LANCL3: variants seen among roughly 807,000 people sequenced by gnomAD.
LANCL3 encodes the protein lanC-like protein 3.
LANCL3 carries 19 observed loss-of-function variants against 26.5 expected under a neutral mutation model. The ratio of observed to expected loss-of-function variants is 0.72; its 90% CI spans 0.50 to 1.05. The LOEUF (loss-of-function observed/expected upper bound fraction) is 1.05. Ranked by LOEUF, LANCL3 falls within the 50% of genes least tolerant of loss-of-function variation. The probability of loss-of-function intolerance (pLI) is 0.00; values close to 1 mark genes in which losing one functional copy is unlikely to be tolerated. For missense variants in LANCL3, 318 were observed against 362.7 expected, an observed-to-expected ratio of 0.88 and a Z score of 1.00; for synonymous variants, 160 against 166.6, an observed-to-expected ratio of 0.96 and a Z score of 0.30.
intron 1 of LANCL3, among the ~76,000 whole-genome samples, chrX:37,615,638 C>CT (rs1463539348): frequency 3.6e-5 from 4 of 111,589 alleles, no homozygotes; most frequent in African/African-American, 9.8e-5. Flanking sequence ...TCCGTCTGTT[C>CT]TTTTTACACC....
At chrX:37,600,403 A>G (rs1924547437) in intron 1 of LANCL3, among the ~76,000 whole-genome samples, 1 of 111,908 alleles carries the variant, frequency 8.9e-6, no homozygotes, top group Non-Finnish European at 1.9e-5. Flanking sequence ...ATGGATAAGG[A>G]TGGACTAGAA....
rs1270464989 is a variant in LANCL3 at position 37,682,444 on chromosome X, CAT to C, written c.*6633_*6634del. 8.9e-6 allele frequency: 1 copy of C among 112,148 alleles called. No individual in the cohort carries two copies. Among genetic ancestry groups the C allele is most frequent in the East Asian group, 2.8e-4 (1 of 3,587 alleles). The allele number at this position is 112,148 out of a possible 1,213,427, so 9.2% of individuals were successfully genotyped here. On this transcript the variant is annotated 3_prime_UTR_variant, in exon 5 of 5. Transcript: ENST00000378619. ...AGTAATATGTATGAAGTAGCTGTGA[CAT>C]AGCAGTCAGTTTTAAAGATACAGAC...
At chrX:37,586,803 AG>A (rs1924099357) in intron 1 of LANCL3, among the ~76,000 whole-genome samples, 1 of 112,160 alleles carries the variant, frequency 8.9e-6, no homozygotes. Flanking sequence ...AACTCATCAA[AG>A]TCATTCTCTG....
intron 3 of LANCL3, among the ~76,000 whole-genome samples, chrX:37,665,761 T>A (rs1461706486): frequency 1.8e-5 from 2 of 111,744 alleles, no homozygotes; most frequent in Non-Finnish European, 3.8e-5. Flanking sequence ...AAGGTGGTAA[T>A]AGCAGAGCAT....
intron 3 of LANCL3, 52 bp downstream of exon 3, chrX:37,659,711 C>T (rs781833775): frequency 9.4e-7 from 1 of 1,067,860 alleles, no homozygotes; most frequent in Non-Finnish European, 1.3e-6. Flanking sequence ...AGGTTAGCCA[C>T]AGGGTGGTTC....
At chrX:37,577,091 C>A (rs1425609344) in intron 1 of LANCL3, among the ~76,000 whole-genome samples, 1 of 111,872 alleles carries the variant, frequency 8.9e-6, no homozygotes, top group Non-Finnish European at 1.9e-5. Flanking sequence ...CTTGATCTGA[C>A]TTACCTTTTA....
At chrX:37,660,818 T>C (rs1346090561) in intron 3 of LANCL3, among the ~76,000 whole-genome samples, 1 of 111,100 alleles carries the variant, frequency 9.0e-6, no homozygotes, top group African/African-American at 3.3e-5. Context: ...GAAAGTATAG[T>C]CTTGAGTTGA....
chrX:37,637,791 G>A (rs1481043829), intron 1 of LANCL3, among the ~76,000 whole-genome samples: 1 of 110,669 alleles, frequency 9.0e-6, no homozygotes, highest in Admixed American at 9.7e-5. Flanking sequence ...GGGAATGTCT[G>A]CCTAGCTCAG....
chrX:37,584,726 T>C (rs186938796), intron 1 of LANCL3, among the ~76,000 whole-genome samples: 23 of 111,858 alleles, frequency 2.1e-4, no homozygotes, highest in African/African-American at 6.5e-4. Context: ...TAGCGGTCTA[T>C]CAATTTTGTT....
At chrX:37,624,482 C>A (rs782626479) in intron 1 of LANCL3, among the ~76,000 whole-genome samples, 2 of 111,425 alleles carry the variant, frequency 1.8e-5, no homozygotes, top group African/African-American at 6.5e-5. Flanking sequence ...TATATAAAAT[C>A]ATTCCTCTGT....
At chrX:37,614,615 A>G (rs1258335530) in intron 1 of LANCL3, among the ~76,000 whole-genome samples, 4 of 112,092 alleles carry the variant, frequency 3.6e-5, no homozygotes, top group Non-Finnish European at 3.8e-5. Flanking sequence ...TTGTCACTCT[A>G]TGGTGTCAAG....
chrX:37,609,240 G>A (rs1280673588), intron 1 of LANCL3, among the ~76,000 whole-genome samples: 2 of 111,678 alleles, frequency 1.8e-5, no homozygotes, highest in Non-Finnish European at 3.8e-5. Context: ...CTTAGATGCC[G>A]TCTTTATTGT....
chrX:37,639,706 C>T (rs1220720998), intron 1 of LANCL3, among the ~76,000 whole-genome samples: 1 of 111,629 alleles, frequency 9.0e-6, no homozygotes, highest in East Asian at 2.8e-4. Flanking sequence ...CTATGCAAAG[C>T]CCTGTAAAGC....
chrX:37,572,395 G>T lies in LANCL3; in HGVS notation c.525G>T (p.Ala175=). The change falls in exon 1 of 5, where the codon GCG becomes GCT. Residue 175 remains alanine (A), a synonymous_variant. Coordinates refer to ENST00000378619, the MANE Select transcript of LANCL3 (RefSeq NM_001170331.2). ...CCGACGAGCTGTTCGTGGGCCGCGCGGGTTACCTGTGTGCCGCGCTGGTGC... is the reference window on the plus strand; with the variant it reads ...CCGACGAGCTGTTCGTGGGCCGCGCTGGTTACCTGTGTGCCGCGCTGGTGC... ...CGSDELFVGR[A]GYLCAALVLK... 6 of 1,176,737 alleles carry T rather than the reference G, an allele frequency of 5.1e-6. No individual in the cohort carries two copies. The highest frequency in any genetic ancestry group is 3.5e-5 in the African/African-American group (2 of 56,965).
intron 1 of LANCL3, among the ~76,000 whole-genome samples, chrX:37,593,774 A>G (rs1486377640): frequency 5.3e-5 from 6 of 112,366 alleles, no homozygotes; most frequent in Non-Finnish European, 7.5e-5. Context: ...CTCAATGATT[A>G]AACAGCGTTG....
intron 3 of LANCL3, among the ~76,000 whole-genome samples, chrX:37,661,007 C>T (rs61088215): frequency 1.5e-4 from 15 of 97,609 alleles, no homozygotes; most frequent in African/African-American, 7.2e-4. Flanking sequence ...TTTTTGTGGG[C>T]GGGGGGGGAA....
At chrX:37,634,980 A>C (rs1336948436) in intron 1 of LANCL3, among the ~76,000 whole-genome samples, 1 of 110,954 alleles carries the variant, frequency 9.0e-6, no homozygotes, top group East Asian at 2.8e-4. Context: ...GAATAAAAAT[A>C]AATTCAAAGG....
intron 1 of LANCL3, among the ~76,000 whole-genome samples, chrX:37,648,177 A>G (rs978253501): frequency 3.6e-5 from 4 of 112,441 alleles, no homozygotes; most frequent in Admixed American, 9.4e-5. Flanking sequence ...TAAAAAATCA[A>G]CCTTTCCTTT....
At chrX:37,619,178 C>G (rs1271505072) in intron 1 of LANCL3, among the ~76,000 whole-genome samples, 1 of 111,419 alleles carries the variant, frequency 9.0e-6, no homozygotes, top group Non-Finnish European at 1.9e-5. Context: ...TGCATGGGAT[C>G]CTAAGTTTGA....
Sources: allele counts gnomAD v4.1 joint callset (sites outside exome capture counted in the v4.1 genomes callset), GRCh38; gene constraint gnomAD v4.1.1; transcripts MANE v1.5; gene names NCBI Gene and HGNC (gene_info 2026-07-23, HGNC 2026-07-21).